RNF185: variants seen among roughly 807,000 people sequenced by gnomAD.
The protein encoded by RNF185 is ring finger protein 185, also known as E3 ubiquitin-protein ligase RNF185.
Under a neutral mutation model 24.9 loss-of-function variants are expected in RNF185, and 13 were observed. The ratio of observed to expected loss-of-function variants is 0.52; its 90% CI spans 0.34 to 0.83. RNF185 has a LOEUF of 0.83. Among genes scored for constraint, RNF185 ranks in the 40% least tolerant of loss-of-function variants. The pLI is 0.01. For missense variants in RNF185, 184 were observed against 244.7 expected, an observed-to-expected ratio of 0.75 and a Z score of 1.65; for synonymous variants, 79 against 90.3, an observed-to-expected ratio of 0.88 and a Z score of 0.71.
At chr22:31,161,357 C>G (rs1433702195) in intron 1 of RNF185, among the ~76,000 whole-genome samples, 4 of 152,192 alleles carry the variant, frequency 2.6e-5, no homozygotes, top group Non-Finnish European at 5.9e-5. Flanking sequence ...TGACTCTGCT[C>G]TCAAGGCAAA....
chr22:31,162,953 G>A (rs1923673485), intron 1 of RNF185, among the ~76,000 whole-genome samples: 1 of 151,754 alleles, frequency 6.6e-6, no homozygotes, highest in East Asian at 1.9e-4. Context: ...TTTAGTAGAG[G>A]TAGGGTTTCA....
chr22:31,197,509 T>TA (rs747782478), intron 5 of RNF185, among the ~76,000 whole-genome samples: 2 of 152,010 alleles, frequency 1.3e-5, no homozygotes, highest in African/African-American at 2.4e-5. Flanking sequence ...TTTTCCAAGT[T>TA]AAAAAAAATC....
At chr22:31,187,422 T>A in intron 2 of RNF185, 152 bp downstream of exon 2, 1 of 808,550 alleles carries the variant, frequency 1.2e-6, no homozygotes, top group Non-Finnish European at 2.0e-6. Flanking sequence ...CCAGCTCTGC[T>A]ACCAATGAGC....
chr22:31,174,260 C>T (rs939199615), intron 1 of RNF185, among the ~76,000 whole-genome samples: 22 of 152,234 alleles, frequency 1.4e-4, no homozygotes, highest in Admixed American at 1.3e-3. Context: ...TCCTCTGTGC[C>T]GTGCTAGTTT....
intron 1 of RNF185, among the ~76,000 whole-genome samples, chr22:31,170,253 A>G (rs944893777): frequency 2.6e-5 from 4 of 151,980 alleles, no homozygotes; most frequent in Admixed American, 2.6e-4. Context: ...CAGTGGTGCA[A>G]TCTCTGCTCA....
intron 2 of RNF185, among the ~76,000 whole-genome samples, chr22:31,188,730 A>G (rs2048123573): frequency 6.6e-6 from 1 of 151,694 alleles, no homozygotes; most frequent in African/African-American, 2.4e-5. Context: ...GGTGGGAGGA[A>G]GGCTTGAGCC....
rs1568970380 is a variant in RNF185, at chr22:31,192,687, G to GC, written c.182dup (p.Cys62ValfsTer11). ...GTTGCCCTGGGGACTCTGGCAGTTG[G>GC]CCGTGTTTACATCAGGTAAGATGCA... On this transcript the variant is annotated frameshift_variant, in exon 3 of 7. Coordinates refer to ENST00000326132, the MANE Select transcript of RNF185 (RefSeq NM_152267.4). LOFTEE classifies it high-confidence loss of function. 1 of 1,613,822 alleles carries GC rather than the reference G, an allele frequency of 6.2e-7. No homozygotes were observed. The highest frequency in any genetic ancestry group is 1.7e-5 in the Admixed American group (1 of 60,002).
At chr22:31,180,898 G>T (rs1168871454) in intron 1 of RNF185, among the ~76,000 whole-genome samples, 3 of 136,840 alleles carry the variant, frequency 2.2e-5, no homozygotes, top group South Asian at 2.4e-4. Context: ...TATTTTCTAG[G>T]CATTTTCTCT....
At chr22:31,197,062 A>G (rs773365156) in intron 5 of RNF185, 72 bp downstream of exon 5, 12 of 1,588,492 alleles carry the variant, frequency 7.6e-6, no homozygotes, top group Admixed American at 3.7e-5. Context: ...TAGCCTTACA[A>G]TTTTTCTCCT....
chr22:31,167,355 AC>A (rs1369527599), intron 1 of RNF185, among the ~76,000 whole-genome samples: 1 of 152,070 alleles, frequency 6.6e-6, no homozygotes, highest in Non-Finnish European at 1.5e-5. Context: ...TTTTAAATGT[AC>A]AATTCAGTGG....
chr22:31,171,045 C>T (rs1039722909), intron 1 of RNF185, among the ~76,000 whole-genome samples: 1 of 152,070 alleles, frequency 6.6e-6, no homozygotes, highest in African/African-American at 2.4e-5. Context: ...TTAACACTAT[C>T]ATCTCTGCCA....
intron 5 of RNF185, among the ~76,000 whole-genome samples, chr22:31,199,111 AAAAG>A (rs931979994): frequency 2.0e-4 from 30 of 151,982 alleles, no homozygotes; most frequent in South Asian, 1.5e-3. Flanking sequence ...AAAAAAAAAA[AAAAG>A]AAAGAAAGAA....
In RNF185 at chr22:31,206,683, C is replaced by T. The variant is rs1481942404; in HGVS notation, c.*2097C>T. 1 of 152,352 alleles carries T rather than the reference C, an allele frequency of 6.6e-6. No homozygotes were observed. Among genetic ancestry groups the T allele is most frequent in the Non-Finnish European group, 1.5e-5 (1 of 68,150 alleles). 9.4% of individuals were successfully genotyped at this position (152,352 alleles called of 1,614,324 possible). On this transcript the variant is annotated 3_prime_UTR_variant, in exon 7 of 7. Coordinates refer to ENST00000326132, the MANE Select transcript of RNF185 (RefSeq NM_152267.4). ...GGCCAAATGCCATTTGATTTTGAAC[C>T]TCGTAGGTCCCCACTCACCCTCTGC...
chr22:31,203,475 C>T (rs2048283164), intron 6 of RNF185, among the ~76,000 whole-genome samples: 2 of 152,198 alleles, frequency 1.3e-5, no homozygotes, highest in Non-Finnish European at 2.9e-5. Context: ...TTGAACAGGT[C>T]ACCTCAAACC....
chr22:31,190,411 C>T (rs539840735), intron 2 of RNF185, among the ~76,000 whole-genome samples: 64 of 151,614 alleles, frequency 4.2e-4, no homozygotes, highest in Non-Finnish European at 7.7e-4. Flanking sequence ...TTCAGCCTCC[C>T]GAGAAGCTGG....
At chr22:31,201,774 A>G (rs979784963) in intron 6 of RNF185, among the ~76,000 whole-genome samples, 159 bp downstream of exon 6, 12 of 152,318 alleles carry the variant, frequency 7.9e-5, no homozygotes, top group African/African-American at 1.9e-4. Flanking sequence ...ACTTACAGAC[A>G]TGGTAACAAT....
chr22:31,196,205 C>G (rs1006318783), intron 4 of RNF185, among the ~76,000 whole-genome samples: 4 of 152,190 alleles, frequency 2.6e-5, no homozygotes, highest in Admixed American at 2.0e-4. Context: ...CCTCTACCCC[C>G]ACCTGCTCCT....
intron 1 of RNF185, among the ~76,000 whole-genome samples, chr22:31,179,898 A>G (rs1355379762): frequency 6.6e-6 from 1 of 152,140 alleles, no homozygotes; most frequent in Non-Finnish European, 1.5e-5. Flanking sequence ...CCTGCCTTGG[A>G]GGGCCCTCCA....
intron 1 of RNF185, among the ~76,000 whole-genome samples, chr22:31,164,650 A>C (rs1923797500): frequency 7.2e-6 from 1 of 138,416 alleles, no homozygotes; most frequent in Admixed American, 7.8e-5. Flanking sequence ...ATACAGTGGC[A>C]TGATCTCAGC....
Sources: allele counts gnomAD v4.1 joint callset (sites outside exome capture counted in the v4.1 genomes callset), GRCh38; gene constraint gnomAD v4.1.1; transcripts MANE v1.5; gene names NCBI Gene and HGNC (gene_info 2026-07-23, HGNC 2026-07-21).